Variants in PITPNC1 observed in about 807,000 individuals in gnomAD.
PITPNC1 encodes phosphatidylinositol transfer protein cytoplasmic 1.
In PITPNC1, 18 loss-of-function variants were observed where a neutral mutation model predicts 44.7. The ratio of observed to expected loss-of-function variants is 0.40; its 90% CI spans 0.28 to 0.60. The LOEUF is 0.60. PITPNC1 is among the 20% of genes least tolerant of loss of function. The pLI is 0.39. For missense variants in PITPNC1, 290 were observed against 418.4 expected (o/e 0.69, Z 2.68); for synonymous variants, 141 against 149.6 (o/e 0.94, Z 0.42).
intron 1 of PITPNC1, chr17:67,457,241 C>A (rs2916118): frequency 0.15 from 22,208 of 152,246 alleles, 2,039 homozygotes; most frequent in Non-Finnish European, 0.21. Context: ...ATCCTCCCTC[C>A]TCAGCCTCTG....
rs540252891 is a variant in PITPNC1, at chr17:67,431,285, C to G, written c.48+53083C>G. On this transcript the variant is annotated intron_variant, in intron 1 of 8. Transcript: ENST00000581322. ...TGTTGACCAGGCTGGTCTCAAACTC[C>G]TGACCTTAAGTGATCCATCCGCCTC... 2.0e-5 allele frequency among the ~76,000 whole-genome samples: 3 copies of G among 152,154 alleles called. No individual in the cohort carries two copies. The South Asian group carries it at 6.2e-4, about 32-fold the overall frequency.
At chr17:67,495,158 G>C (rs574696085) in intron 1 of PITPNC1, among the ~76,000 whole-genome samples, 1 of 143,112 alleles carries the variant, frequency 7.0e-6, no homozygotes, top group East Asian at 2.2e-4. Flanking sequence ...CCGGGTTCAC[G>C]CCATTCTCCT....
chr17:67,635,823 G>A (rs1038491870), intron 6 of PITPNC1, among the ~76,000 whole-genome samples: 3 of 152,186 alleles, frequency 2.0e-5, no homozygotes, highest in African/African-American at 7.2e-5. Context: ...GAAGAGAATG[G>A]AAAACTGTCC....
rs2041946363 is a variant in PITPNC1 at position 67,630,031 on chromosome 17, A to G, written c.367-2112A>G. 2.0e-5 allele frequency among the ~76,000 whole-genome samples: 3 copies of G among 152,240 alleles called. No individual in the cohort carries two copies. In the South Asian group the frequency reaches 6.2e-4, roughly 32 times the overall value. On this transcript the variant is annotated intron_variant, in intron 5 of 8. Transcript: ENST00000581322. Reference sequence around the variant, plus strand: ...ATTACAACACAAATATTATTCAGAAAGCATTTAGAAAGGACTAATCGTTTC... The same window carrying G: ...ATTACAACACAAATATTATTCAGAAGGCATTTAGAAAGGACTAATCGTTTC...
chr17:67,459,935 T>A (rs1409302913), intron 1 of PITPNC1: 1 of 152,192 alleles, frequency 6.6e-6, no homozygotes. Flanking sequence ...AAAATAATAA[T>A]TACTTTATCA....
chr17:67,673,590 A>G lies in PITPNC1; in HGVS notation c.619-1889A>G, dbSNP rs991843283. Among the ~76,000 whole-genome samples the G allele has an allele frequency of 3.3e-5, 5 of 151,930 alleles. No individual in the cohort carries two copies. The South Asian group carries it at 6.2e-4, about 19-fold the overall frequency. On this transcript the variant is annotated intron_variant, in intron 7 of 8. Coordinates refer to ENST00000581322, the MANE Select transcript of PITPNC1 (RefSeq NM_012417.4). ...TAAACGGCCTTTTTCCCCCTCTTCT[A>G]TTACATGAAAGTCAAACCTAAAAGG... is the stretch of plus-strand genomic sequence containing the variant.
At chr17:67,459,804 G>A (rs1385052609) in intron 1 of PITPNC1, 1 of 152,204 alleles carries the variant, frequency 6.6e-6, no homozygotes, top group Non-Finnish European at 1.5e-5. Flanking sequence ...TAGGTATATA[G>A]TATGTCCTGA....
intron 4 of PITPNC1, among the ~76,000 whole-genome samples, chr17:67,565,843 G>A (rs1463020066): frequency 4.8e-5 from 7 of 144,456 alleles, no homozygotes; most frequent in African/African-American, 1.0e-4. Flanking sequence ...CATGTTTTTC[G>A]GTGTGTATGC....
rs116984122 is a variant in PITPNC1, at chr17:67,384,348, C to T, written c.48+6146C>T. 9.7e-3 allele frequency among the ~76,000 whole-genome samples: 1,481 copies of T among 152,176 alleles called. 12 individuals are homozygous for T. The highest frequency in any genetic ancestry group is 0.015 in the Non-Finnish European group (1,000 of 68,008). On this transcript the variant is annotated intron_variant, in intron 1 of 8. Coordinates refer to ENST00000581322, the MANE Select transcript of PITPNC1 (RefSeq NM_012417.4). ...GTTTTCTTGCGCACATTTCTGAGAA[C>T]GGATTTGGGATCAGGGTGGTGCTGC...
At chr17:67,598,866 C>T (rs2041494096) in intron 5 of PITPNC1, among the ~76,000 whole-genome samples, 1 of 151,326 alleles carries the variant, frequency 6.6e-6, no homozygotes, top group Non-Finnish European at 1.5e-5. Context: ...GCACTCCAGC[C>T]TGGGTGACAA....
At chr17:67,621,518 C>A (rs1380890096) in intron 5 of PITPNC1, among the ~76,000 whole-genome samples, 1 of 152,016 alleles carries the variant, frequency 6.6e-6, no homozygotes, top group Non-Finnish European at 1.5e-5. Context: ...TGAAACATAT[C>A]TTTTAGTACT....
Position 67,434,170 on chromosome 17 carries a change from G to C in PITPNC1, c.48+55968G>C, listed in dbSNP as rs906240861. Among the ~76,000 whole-genome samples the C allele has an allele frequency of 4.6e-5, 7 of 152,184 alleles. 1 individual carries two copies. Among genetic ancestry groups the C allele is most frequent in the Admixed American group, 4.6e-4 (7 of 15,276 alleles). On this transcript the variant is annotated intron_variant, in intron 1 of 8. Coordinates refer to ENST00000581322, the MANE Select transcript of PITPNC1 (RefSeq NM_012417.4). ...AGTGCCTAGAACCTGGGCTGCAGAC[G>C]GGGAATGAGGCTTATGGCTCCGTAA...
chr17:67,672,347 G>A (rs545791731), intron 7 of PITPNC1, among the ~76,000 whole-genome samples: 2 of 151,966 alleles, frequency 1.3e-5, no homozygotes, highest in Admixed American at 6.5e-5. Flanking sequence ...TGTAATCCCA[G>A]CACTTTGAGA....
At chr17:67,459,200 C>G (rs1385128628) in intron 1 of PITPNC1, among the ~76,000 whole-genome samples, 1 of 149,084 alleles carries the variant, frequency 6.7e-6, no homozygotes. Flanking sequence ...TCACTGCATC[C>G]TCCGCCTGCC....
intron 6 of PITPNC1, among the ~76,000 whole-genome samples, chr17:67,645,923 G>A (rs1215380770): frequency 6.6e-6 from 1 of 152,128 alleles, no homozygotes; most frequent in Non-Finnish European, 1.5e-5. Context: ...CCAAGAGTTC[G>A]AGACCAGCCT....
intron 6 of PITPNC1, among the ~76,000 whole-genome samples, chr17:67,655,473 T>C (rs2042253105): frequency 7.1e-6 from 1 of 140,304 alleles, no homozygotes; most frequent in Admixed American, 7.9e-5. Context: ...GGCAGAAGAA[T>C]GGCATGAACC....
chr17:67,514,630 G>C (rs1054519204), intron 1 of PITPNC1, among the ~76,000 whole-genome samples: 21 of 149,032 alleles, frequency 1.4e-4, no homozygotes, highest in African/African-American at 5.2e-4. Context: ...TTCAAGACCA[G>C]CCTGGCCAAC....
chr17:67,464,085 C>G (rs1194539610), intron 1 of PITPNC1, among the ~76,000 whole-genome samples: 3 of 151,836 alleles, frequency 2.0e-5, no homozygotes, highest in Non-Finnish European at 4.4e-5. Flanking sequence ...CCCAGCTATT[C>G]TGGAGGCTGA....
intron 6 of PITPNC1, among the ~76,000 whole-genome samples, chr17:67,637,568 G>A (rs998855666): frequency 6.6e-6 from 1 of 152,032 alleles, no homozygotes; most frequent in African/African-American, 2.4e-5. Context: ...TTTCTCCCTG[G>A]AAACCTTTGA....
Sources: gnomAD v4.1 joint callset for allele counts (sites outside exome capture counted in the v4.1 genomes callset) on GRCh38, gnomAD v4.1.1 for gene constraint, MANE v1.5 for transcripts, NCBI Gene and HGNC (gene_info 2026-07-23, HGNC 2026-07-21) for gene names.